CCSER1: variants seen among roughly 807,000 people sequenced by gnomAD.
The protein encoded by CCSER1 is serine-rich coiled-coil domain-containing protein 1.
In CCSER1, 41 loss-of-function variants were observed where a neutral mutation model predicts 82.0. The ratio of observed to expected loss-of-function variants is 0.50; its 90% confidence interval spans 0.39 to 0.65. The LOEUF (loss-of-function observed/expected upper bound fraction) is 0.65, where lower values mean the gene tolerates loss of function less well. Among genes scored for constraint, CCSER1 ranks in the 30% least tolerant of loss-of-function variants. The pLI is 0.00. For synonymous variants in CCSER1, 414 were observed against 383.9 expected, an observed-to-expected ratio of 1.08 and a Z score of -0.92; for missense variants, 1,119 against 1,064.2, an observed-to-expected ratio of 1.05 and a Z score of -0.72.
At chr4:91,394,020 C>T (rs1160815294) in intron 10 of CCSER1, among the ~76,000 whole-genome samples, 2 of 152,064 alleles carry the variant, frequency 1.3e-5, no homozygotes, top group Non-Finnish European at 2.9e-5. Context: ...AACTTATGAT[C>T]GGTGATACTT....
In CCSER1 at chr4:90,839,415, A is replaced by T. The variant is rs75418388; in HGVS notation, c.2094+23570A>T. The stretch of plus-strand genomic sequence containing the variant: ...ACAGGTTATGAAACAAGTGAAAACT[A>T]AATATGGGATAGGGCATGGAACTGT... On this transcript the variant is annotated intron_variant, in intron 8 of 10. Transcript: ENST00000509176. Among the ~76,000 whole-genome samples, 3 of 152,368 alleles carry T rather than the reference A, an allele frequency of 2.0e-5. No individual in the cohort carries two copies. The East Asian group carries it at 5.8e-4, about 29-fold the overall frequency.
chr4:91,154,993 G>A (rs1436214328), intron 10 of CCSER1, among the ~76,000 whole-genome samples: 2 of 150,774 alleles, frequency 1.3e-5, no homozygotes, highest in African/African-American at 2.4e-5. Flanking sequence ...TTCTTCCAAG[G>A]CCAATGTTTA....
chr4:91,561,133 C>G (rs1201947866), intron 10 of CCSER1, among the ~76,000 whole-genome samples: 5 of 151,436 alleles, frequency 3.3e-5, no homozygotes, highest in African/African-American at 1.2e-4. Context: ...TCTGTATATA[C>G]AGAAGCCAAA....
At chr4:90,423,236 A>G (rs1255301746) in intron 4 of CCSER1, among the ~76,000 whole-genome samples, 1 of 151,962 alleles carries the variant, frequency 6.6e-6, no homozygotes, top group Non-Finnish European at 1.5e-5. Context: ...ATTTATATTT[A>G]TTTATTTTGA....
chr4:91,316,688 A>C (rs2149259777), intron 10 of CCSER1, among the ~76,000 whole-genome samples: 1 of 152,140 alleles, frequency 6.6e-6, no homozygotes, highest in East Asian at 1.9e-4. Flanking sequence ...CTCTTCAATT[A>C]GTAAAATATT....
At chr4:90,180,761 A>G (rs1733590646) in intron 1 of CCSER1, among the ~76,000 whole-genome samples, 1 of 152,122 alleles carries the variant, frequency 6.6e-6, no homozygotes. Context: ...TTAAGGCTTG[A>G]AAAACTGAGA....
intron 9 of CCSER1, among the ~76,000 whole-genome samples, chr4:91,029,519 C>G (rs1256942364): frequency 6.6e-6 from 1 of 151,948 alleles, no homozygotes; most frequent in Non-Finnish European, 1.5e-5. Context: ...TTATAACAAC[C>G]ATGAAAGTTA....
rs113023073 is a variant in CCSER1 at position 91,339,889 on chromosome 4, C to T, written c.2217+253895C>T. On this transcript the variant is annotated intron_variant, in intron 10 of 10. Coordinates refer to ENST00000509176, the MANE Select transcript of CCSER1 (RefSeq NM_001145065.2). Reference sequence around the variant, plus strand: ...ATCCCAGCACTTTGGGAGGCTGAAGCAGGCAGATCACGAGGTCAGGAGTTC... The same window carrying T: ...ATCCCAGCACTTTGGGAGGCTGAAGTAGGCAGATCACGAGGTCAGGAGTTC... Among the ~76,000 whole-genome samples the T allele has an allele frequency of 2.6e-5, 4 of 152,154 alleles. 1 individual carries two copies. The highest frequency in any genetic ancestry group is 9.6e-5 in the African/African-American group (4 of 41,528).
At chr4:90,560,592 C>T (rs1487149662) in intron 5 of CCSER1, among the ~76,000 whole-genome samples, 5 of 151,832 alleles carry the variant, frequency 3.3e-5, no homozygotes, top group Admixed American at 2.0e-4. Flanking sequence ...GTTCAGGGGC[C>T]CTTAATAGCA....
chr4:90,979,370 T>G (rs1040662838), intron 9 of CCSER1, among the ~76,000 whole-genome samples: 37 of 151,796 alleles, frequency 2.4e-4, no homozygotes, highest in African/African-American at 7.2e-4. Flanking sequence ...ATATAAGAGA[T>G]AAGTTCCTAT....
At chr4:91,106,821 C>A (rs1725663966) in intron 10 of CCSER1, among the ~76,000 whole-genome samples, 3 of 152,162 alleles carry the variant, frequency 2.0e-5, no homozygotes, top group Admixed American at 6.5e-5. Flanking sequence ...ATGATGGTAT[C>A]AGCTATCTAC....
intron 7 of CCSER1, among the ~76,000 whole-genome samples, chr4:90,771,881 G>A (rs1348413075): frequency 6.6e-6 from 1 of 152,036 alleles, no homozygotes; most frequent in Non-Finnish European, 1.5e-5. Flanking sequence ...ATTCTTAGGT[G>A]TCATTACCAC....
intron 3 of CCSER1, among the ~76,000 whole-genome samples, chr4:90,317,202 T>C (rs1277994960): frequency 1.3e-5 from 2 of 152,152 alleles, no homozygotes; most frequent in Non-Finnish European, 2.9e-5. Context: ...AAGATTACTC[T>C]CTAAAAAAGT....
At chr4:91,564,663 ATGT>A (rs899632009) in intron 10 of CCSER1, among the ~76,000 whole-genome samples, 211 of 151,442 alleles carry the variant, frequency 1.4e-3, no homozygotes, top group African/African-American at 4.9e-3. Context: ...CTTTTTTTTA[ATGT>A]TGTTGGCCAC....
At chr4:91,540,667 A>G (rs577134505) in intron 10 of CCSER1, among the ~76,000 whole-genome samples, 4 of 152,224 alleles carry the variant, frequency 2.6e-5, no homozygotes, top group African/African-American at 9.6e-5. Context: ...CAAGAGGTTT[A>G]TAGCTTTGTG....
At chr4:90,572,464 A>G (rs1415108175) in intron 5 of CCSER1, among the ~76,000 whole-genome samples, 4 of 152,098 alleles carry the variant, frequency 2.6e-5, no homozygotes, top group Admixed American at 6.5e-5. Context: ...TTTAACACCT[A>G]TGACATGAAA....
At chr4:90,534,657 A>C (rs1455581750) in intron 5 of CCSER1, among the ~76,000 whole-genome samples, 1 of 152,242 alleles carries the variant, frequency 6.6e-6, no homozygotes, top group Non-Finnish European at 1.5e-5. Flanking sequence ...TTGAAGGCTT[A>C]ACATTAATCT....
intron 7 of CCSER1, among the ~76,000 whole-genome samples, chr4:90,795,031 T>C (rs1399667109): frequency 6.6e-6 from 1 of 152,108 alleles, no homozygotes; most frequent in Non-Finnish European, 1.5e-5. Flanking sequence ...GGCTCACACC[T>C]GTAATCCCAG....
chr4:91,180,189 A>C (rs1225434600), intron 10 of CCSER1, among the ~76,000 whole-genome samples: 1 of 152,046 alleles, frequency 6.6e-6, no homozygotes, highest in Non-Finnish European at 1.5e-5. Context: ...TCAGAGGGGC[A>C]CCCGGCTGTA....
Sources: gnomAD v4.1 joint callset for allele counts (sites outside exome capture counted in the v4.1 genomes callset) on GRCh38, gnomAD v4.1.1 for gene constraint, MANE v1.5 for transcripts, NCBI Gene and HGNC (gene_info 2026-07-23, HGNC 2026-07-21) for gene names.